The following DTD1 variants were observed in gnomAD, a reference collection of about 807,000 sequenced individuals.
DTD1 encodes the protein D-aminoacyl-tRNA deacylase 1.
Under a neutral mutation model 25.6 loss-of-function variants are expected in DTD1, and 13 were observed. The observed-to-expected ratio is 0.51, with a 90% CI of 0.33 to 0.81. The LOEUF (loss-of-function observed/expected upper bound fraction) is 0.81, where lower values mean the gene tolerates loss of function less well. Ranked by LOEUF, DTD1 falls within the 30% of genes least tolerant of loss-of-function variation. The pLI, the probability that DTD1 is intolerant of heterozygous loss-of-function variation, is 0.02. For missense variants in DTD1, 193 were observed against 266.4 expected (o/e 0.72, Z 1.92); for synonymous variants, 110 against 103.6 (o/e 1.06, Z -0.37).
chr20:18,757,803 ATTCCCTCTTT>A (rs1568692019), intron 5 of DTD1, among the ~76,000 whole-genome samples: 22 of 152,236 alleles, frequency 1.4e-4, no homozygotes, highest in African/African-American at 5.1e-4. Flanking sequence ...GTTAGGGAGG[ATTCCCTCTTT>A]TTCTATTGAT....
chr20:18,693,151 C>T (rs2061054646), intron 4 of DTD1, among the ~76,000 whole-genome samples: 1 of 152,108 alleles, frequency 6.6e-6, no homozygotes, highest in South Asian at 2.1e-4. Context: ...CCTCGGCTTC[C>T]CAAAATGCTG....
intron 3 of DTD1, among the ~76,000 whole-genome samples, chr20:18,610,211 A>G (rs1232875974): frequency 6.6e-6 from 1 of 152,224 alleles, no homozygotes; most frequent in Non-Finnish European, 1.5e-5. Context: ...GCGTTTTTAA[A>G]GAGGATAGTT....
intron 4 of DTD1, among the ~76,000 whole-genome samples, chr20:18,670,584 CA>C (rs1203479663): frequency 6.6e-6 from 1 of 152,230 alleles, no homozygotes; most frequent in Non-Finnish European, 1.5e-5. Flanking sequence ...GCTCCCATTG[CA>C]GTGCACAGAG....
chr20:18,670,079 A>G (rs978640953), intron 4 of DTD1, among the ~76,000 whole-genome samples: 1 of 152,018 alleles, frequency 6.6e-6, no homozygotes, highest in Non-Finnish European at 1.5e-5. Context: ...TGGATTTTGA[A>G]TTTGAATGGC....
chr20:18,744,279 T>C lies in DTD1; in HGVS notation c.*19+8T>C, dbSNP rs201707651. On this transcript the variant is annotated splice_region_variant and intron_variant, in intron 5 of 5. Coordinates refer to ENST00000377452, the MANE Select transcript of DTD1 (RefSeq NM_080820.6). ...TCAGGAGGCAGAATTCAGGTAGGAG[T>C]TTCCCTGCTTGGCTTCATCTTCCCA... is the stretch of plus-strand genomic sequence containing the variant. 130 of 1,608,562 alleles carry C rather than the reference T, an allele frequency of 8.1e-5. No homozygotes were observed. The highest frequency in any genetic ancestry group is 8.5e-5 in the Non-Finnish European group (100 of 1,178,786).
At chr20:18,708,791 T>C (rs927999604) in intron 4 of DTD1, among the ~76,000 whole-genome samples, 7 of 152,186 alleles carry the variant, frequency 4.6e-5, no homozygotes, top group Non-Finnish European at 1.5e-5. Context: ...CAATCTTTTC[T>C]AGCGCTGTTG....
At chr20:18,748,563 C>T (rs1175279648) in intron 5 of DTD1, among the ~76,000 whole-genome samples, 4 of 152,144 alleles carry the variant, frequency 2.6e-5, no homozygotes, top group East Asian at 1.9e-4. Context: ...GAAAAACACC[C>T]GAGGGTCTCA....
intron 4 of DTD1, chr20:18,632,771 G>T (rs1451072508): frequency 3.2e-6 from 2 of 618,476 alleles, no homozygotes; most frequent in African/African-American, 4.0e-5. Context: ...AATGGATGAT[G>T]TGTGTGTGTA....
intron 4 of DTD1, among the ~76,000 whole-genome samples, chr20:18,636,164 G>A (rs370084670): frequency 6.6e-6 from 1 of 151,990 alleles, no homozygotes; most frequent in Non-Finnish European, 1.5e-5. Context: ...AAAAAAAAAC[G>A]AACTCCTTAC....
At chr20:18,588,367 G>A (rs2060574768) in intron 1 of DTD1, among the ~76,000 whole-genome samples, 1 of 152,130 alleles carries the variant, frequency 6.6e-6, no homozygotes, top group East Asian at 1.9e-4. Context: ...CTCGGCAGAG[G>A]GTGCAGGACC....
intron 4 of DTD1, among the ~76,000 whole-genome samples, chr20:18,712,877 C>T (rs2061164832): frequency 6.6e-6 from 1 of 152,254 alleles, no homozygotes; most frequent in Admixed American, 6.5e-5. Flanking sequence ...TACAGACTCC[C>T]CTCCTTACCT....
chr20:18,728,692 A>G (rs2061230685), intron 4 of DTD1, among the ~76,000 whole-genome samples: 3 of 152,068 alleles, frequency 2.0e-5, no homozygotes, highest in Non-Finnish European at 4.4e-5. Flanking sequence ...TTTGCATAGG[A>G]AACTCACAAG....
At chr20:18,636,548 G>A (rs1423188150) in intron 4 of DTD1, among the ~76,000 whole-genome samples, 2 of 152,190 alleles carry the variant, frequency 1.3e-5, no homozygotes, top group African/African-American at 2.4e-5. Context: ...CCAGCTTGCC[G>A]CAGTATAGGT....
chr20:18,652,817 C>A (rs1276391151), intron 4 of DTD1, among the ~76,000 whole-genome samples: 1 of 152,126 alleles, frequency 6.6e-6, no homozygotes, highest in Admixed American at 6.5e-5. Flanking sequence ...TTGTAGACTG[C>A]AAAACTCTAT....
At chr20:18,641,498 C>T (rs967131336) in intron 4 of DTD1, among the ~76,000 whole-genome samples, 10 of 152,022 alleles carry the variant, frequency 6.6e-5, no homozygotes, top group African/African-American at 2.4e-4. Context: ...TCCTCACCAA[C>T]ATTTGCTGTT....
At chr20:18,715,400 C>T (rs1349749835) in intron 4 of DTD1, among the ~76,000 whole-genome samples, 1 of 152,110 alleles carries the variant, frequency 6.6e-6, no homozygotes, top group Non-Finnish European at 1.5e-5. Context: ...GATTGTGGCC[C>T]TTTGAAGGCT....
intron 5 of DTD1, among the ~76,000 whole-genome samples, chr20:18,760,252 G>A (rs1188775407): frequency 1.3e-5 from 2 of 152,148 alleles, no homozygotes; most frequent in East Asian, 1.9e-4. Flanking sequence ...GTCATTCTCT[G>A]TCCAGCTTTG....
In DTD1 at chr20:18,631,625, C is replaced by T. The variant is rs141966616; in HGVS notation, c.477+3392C>T. On this transcript the variant is annotated intron_variant, in intron 4 of 5. Coordinates refer to ENST00000377452, the MANE Select transcript of DTD1 (RefSeq NM_080820.6). ...ACCTCACATTGCTTTATTTCATGCCCATTTTTCAGAACACTTTTCTTGCCA... is the reference window on the plus strand; with the variant it reads ...ACCTCACATTGCTTTATTTCATGCCTATTTTTCAGAACACTTTTCTTGCCA... 7.1e-4 allele frequency: 702 copies of T among 985,460 alleles called. 3 individuals are homozygous for T. In the African/African-American group the frequency reaches 0.012, roughly 16 times the overall value. The allele number at this position is 985,460 out of a possible 1,614,324, so 61.0% of individuals were successfully genotyped here.
At chr20:18,711,381 C>T (rs184992296) in intron 4 of DTD1, among the ~76,000 whole-genome samples, 2 of 152,304 alleles carry the variant, frequency 1.3e-5, no homozygotes, top group East Asian at 1.9e-4. Context: ...CTTGGTTTCC[C>T]TCTCATACTG....
Sources: gnomAD v4.1 joint callset for allele counts (sites outside exome capture counted in the v4.1 genomes callset) on GRCh38, gnomAD v4.1.1 for gene constraint, MANE v1.5 for transcripts, NCBI Gene and HGNC (gene_info 2026-07-23, HGNC 2026-07-21) for gene names.